The following ZNF385D variants were observed in gnomAD, a reference collection of about 807,000 sequenced individuals.
The protein encoded by ZNF385D is zinc finger protein 385D.
Under a neutral mutation model 35.8 loss-of-function variants are expected in ZNF385D, and 15 were observed. That is an observed-to-expected ratio of 0.42 (90% CI 0.28 to 0.64). ZNF385D has a LOEUF of 0.64. Ranked by LOEUF, ZNF385D falls within the 30% of genes least tolerant of loss-of-function variation. The pLI is 0.23. For missense variants in ZNF385D, 474 were observed against 494.6 expected (o/e 0.96, Z 0.39); for synonymous variants, 212 against 186.8 (o/e 1.13, Z -1.10).
At chr3:21,795,763 T>C (rs7622670) in intron 3 of ZNF385D, among the ~76,000 whole-genome samples, 3,357 of 152,234 alleles carry the variant, frequency 0.022, 117 homozygotes, top group African/African-American at 0.074. Context: ...ATAAAAAGCT[T>C]TTCTCCCACT....
intron 4 of ZNF385D, among the ~76,000 whole-genome samples, chr3:21,497,436 G>A (rs1280676002): frequency 2.0e-5 from 3 of 152,166 alleles, no homozygotes; most frequent in Non-Finnish European, 4.4e-5. Context: ...CTCATGGATA[G>A]AAAGAATTAA....
At chr3:22,131,046 G>A (rs968688258) in intron 3 of ZNF385D, among the ~76,000 whole-genome samples, 8 of 152,066 alleles carry the variant, frequency 5.3e-5, no homozygotes, top group African/African-American at 1.2e-4. Context: ...TATGACATTC[G>A]GAGAAAATCT....
intron 3 of ZNF385D, among the ~76,000 whole-genome samples, chr3:21,814,139 A>T (rs2073049908): frequency 6.6e-6 from 1 of 152,204 alleles, no homozygotes; most frequent in Non-Finnish European, 1.5e-5. Context: ...CTTTACAGAC[A>T]AGCAAATGCT....
chr3:21,831,176 T>A (rs1694966054), intron 3 of ZNF385D, among the ~76,000 whole-genome samples: 1 of 152,220 alleles, frequency 6.6e-6, no homozygotes, highest in South Asian at 2.1e-4. Context: ...ACTTAAAAAT[T>A]TTTTCTTTTT....
At position 21,424,320 on chromosome 3, in the gene ZNF385D, T is replaced by A. The variant is rs1488655403; in HGVS notation, c.853-256A>T. Among the ~76,000 whole-genome samples the A allele has an allele frequency of 7.5e-3, 877 of 117,502 alleles. 24 individuals carry two copies. Among genetic ancestry groups the A allele is most frequent in the East Asian group, 0.045 (171 of 3,796 alleles). 77.1% of individuals were successfully genotyped at this position (117,502 alleles called of 152,430 possible). On this transcript the variant is annotated intron_variant, in intron 6 of 7. Transcript: ENST00000281523. Reference sequence around the variant, plus strand: ...ATATATTTATATATATATATATATTTTTTTTTTTTTTTGAGATGGAGTCTC... The same window carrying A: ...ATATATTTATATATATATATATATTATTTTTTTTTTTTGAGATGGAGTCTC...
intron 3 of ZNF385D, among the ~76,000 whole-genome samples, chr3:22,036,785 A>C (rs537680894): frequency 6.7e-6 from 1 of 150,140 alleles, no homozygotes; most frequent in Admixed American, 6.7e-5. Flanking sequence ...ATATGTATAC[A>C]TGTGCCATGT....
chr3:22,019,973 G>C (rs1697125397), intron 3 of ZNF385D, among the ~76,000 whole-genome samples: 1 of 151,616 alleles, frequency 6.6e-6, no homozygotes, highest in African/African-American at 2.4e-5. Context: ...AAAAAAACAA[G>C]ATAACTTCGT....
intron 2 of ZNF385D, among the ~76,000 whole-genome samples, chr3:22,181,237 G>C (rs751685084): frequency 6.6e-6 from 1 of 152,022 alleles, no homozygotes; most frequent in Non-Finnish European, 1.5e-5. Context: ...GGCTATATGA[G>C]AATATTTTCT....
chr3:21,655,974 A>ATTTTT (rs969138132), intron 2 of ZNF385D, among the ~76,000 whole-genome samples: 1 of 151,790 alleles, frequency 6.6e-6, no homozygotes, highest in African/African-American at 2.4e-5. Flanking sequence ...TGATCAATAC[A>ATTTTT]TTTTTTTTCC....
In ZNF385D at chr3:22,352,945, C is replaced by T. The variant is rs145561061; in HGVS notation, c.106+19505G>A. 6.1e-3 allele frequency among the ~76,000 whole-genome samples: 922 copies of T among 152,228 alleles called. 11 individuals carry two copies. Among genetic ancestry groups the T allele is most frequent in the South Asian group, 0.032 (155 of 4,818 alleles). ...GATTAGAAGCTCTCTTCCTTCCCTC[C>T]AAGCCCTAGAGTTCTACATGGAGGG... On this transcript the variant is annotated intron_variant, in intron 2 of 5. Coordinates refer to the ZNF385D transcript ENST00000494108.
At chr3:22,043,903 T>C (rs1333423298) in intron 3 of ZNF385D, among the ~76,000 whole-genome samples, 1 of 152,060 alleles carries the variant, frequency 6.6e-6, no homozygotes, top group Non-Finnish European at 1.5e-5. Flanking sequence ...AGCAAAGAAG[T>C]GAGGGAGGCC....
intron 4 of ZNF385D, among the ~76,000 whole-genome samples, chr3:21,449,533 T>G (rs1186791963): frequency 1.3e-5 from 2 of 152,308 alleles, no homozygotes; most frequent in South Asian, 2.1e-4. Flanking sequence ...TGTATAGCTG[T>G]TTTTTATTAT....
At chr3:21,900,761 T>C (rs1175773086) in intron 3 of ZNF385D, among the ~76,000 whole-genome samples, 2 of 152,158 alleles carry the variant, frequency 1.3e-5, no homozygotes, top group African/African-American at 4.8e-5. Context: ...AAATAATTCA[T>C]TGTGATTTGT....
chr3:21,483,935 G>A (rs896643655), intron 4 of ZNF385D, among the ~76,000 whole-genome samples: 4 of 150,790 alleles, frequency 2.7e-5, no homozygotes, highest in South Asian at 2.1e-4. Context: ...TTTCTCTTAC[G>A]GATCATGCTA....
At chr3:21,430,910 C>T (rs897431262) in intron 5 of ZNF385D, 6 of 152,146 alleles carry the variant, frequency 3.9e-5, no homozygotes, top group Non-Finnish European at 8.8e-5. Flanking sequence ...TTTATAAAAA[C>T]AGTGCTTTTG....
At chr3:21,770,765 T>G (rs4352390) in intron 3 of ZNF385D, among the ~76,000 whole-genome samples, 2 of 152,108 alleles carry the variant, frequency 1.3e-5, no homozygotes, top group Admixed American at 1.3e-4. Flanking sequence ...TTATAAATCA[T>G]GCTGCTATAA....
At chr3:21,621,892 T>TGTGC (rs1193463057) in intron 2 of ZNF385D, among the ~76,000 whole-genome samples, 2 of 149,048 alleles carry the variant, frequency 1.3e-5, no homozygotes, top group African/African-American at 4.9e-5. Context: ...TGTGTGTGTG[T>TGTGC]GTGCGTGCAC....
chr3:21,627,246 G>GGTGT (rs55918045), intron 2 of ZNF385D, among the ~76,000 whole-genome samples: 13,895 of 139,318 alleles, frequency 0.1, 934 homozygotes, highest in African/African-American at 0.2. Flanking sequence ...AGAGGTGTAG[G>GGTGT]GTGTGTGTGT....
chr3:21,978,878 TA>T lies in ZNF385D; in HGVS notation c.325+189938del, dbSNP rs1196713770. 4.0e-5 allele frequency among the ~76,000 whole-genome samples: 6 copies of T among 151,664 alleles called. 1 individual carries two copies. The highest frequency in any genetic ancestry group is 1.9e-4 in the East Asian group (1 of 5,178). On this transcript the variant is annotated intron_variant, in intron 3 of 5. Transcript: ENST00000494108. ...TAAAAATATTCACAAATATTCAACT[TA>T]AAAAAAATTTACTTTTCCCAAGAAA...
Sources: gnomAD v4.1 joint callset for allele counts (sites outside exome capture counted in the v4.1 genomes callset) on GRCh38, gnomAD v4.1.1 for gene constraint, MANE v1.5 for transcripts, NCBI Gene and HGNC (gene_info 2026-07-23, HGNC 2026-07-21) for gene names.